The following VCP variants were observed in gnomAD, a reference collection of about 807,000 sequenced individuals.
The protein encoded by VCP is transitional endoplasmic reticulum ATPase.
VCP carries 6 observed loss-of-function variants against 85.7 expected under a neutral mutation model. The ratio of observed to expected loss-of-function variants is 0.07; its 90% confidence interval spans 0.04 to 0.14. The LOEUF (loss-of-function observed/expected upper bound fraction) is 0.14, where lower values mean the gene tolerates loss of function less well. VCP is among the 10% of genes least tolerant of loss of function. VCP has a pLI of 1.00. For missense variants in VCP, 353 were observed against 1,043.4 expected, an observed-to-expected ratio of 0.34 and a Z score of 9.12; for synonymous variants, 384 against 367.1, an observed-to-expected ratio of 1.05 and a Z score of -0.53.
At chr9:35,061,515 C>T in intron 10 of VCP, 62 bp downstream of exon 10, 1 of 1,450,944 alleles carries the variant, frequency 6.9e-7, no homozygotes. Flanking sequence ...ATGTCTCTAG[C>T]CAGTTCCCAG....
chr9:35,067,561 T>A (rs1828857522), intron 3 of VCP, among the ~76,000 whole-genome samples: 1 of 152,184 alleles, frequency 6.6e-6, no homozygotes, highest in Non-Finnish European at 1.5e-5. Context: ...GGAGATTATT[T>A]GGCATATACA....
chr9:35,059,125 C>T lies in VCP; in HGVS notation c.2099G>A (p.Arg700His). Residue 700 changes from arginine to histidine, a missense_variant, in exon 15 of 17, where the codon CGT (arginine) becomes CAT (histidine). By Grantham distance (29) the Arg-to-His change is conservative (BLOSUM62 0). Coordinates refer to ENST00000358901, the MANE Select transcript of VCP (RefSeq NM_007126.5). The surrounding 1 kb of genome is among the most constrained non-coding windows in gnomAD (Gnocchi z 4.9). ...ICQRACKLAI[R>H]ESIESEIRRE... ...CCTAATCTCACTCTCGATGGATTCA[C>T]GGATGGCCAGCTTGCAAGCACGCTG... 1.9e-6 allele frequency: 3 copies of T among 1,614,180 alleles called. No homozygotes were observed. Among genetic ancestry groups the T allele is most frequent in the African/African-American group, 2.7e-5 (2 of 75,032 alleles).
At position 35,057,268 on chromosome 9, in the gene VCP, G is replaced by A. The variant is rs759253669; in HGVS notation, c.2316-46C>T. ...AAAAAAGAGGGTTAGGACAGGGCCT[G>A]TGTAAGATTTCCACAACTACCCCTC... On this transcript the variant is annotated intron_variant, in intron 16 of 16. Transcript: ENST00000358901. 5 of 1,613,664 alleles carry A rather than the reference G, an allele frequency of 3.1e-6. No homozygotes were observed. The South Asian group carries it at 5.5e-5, about 18-fold the overall frequency.
At chr9:35,058,156 G>A (rs1407682443) in intron 15 of VCP, among the ~76,000 whole-genome samples, 1 of 152,126 alleles carries the variant, frequency 6.6e-6, no homozygotes, top group East Asian at 1.9e-4. Context: ...CTTCCATTGA[G>A]AGGCCAATTT....
At chr9:35,058,035 T>C (rs576010407) in intron 15 of VCP, among the ~76,000 whole-genome samples, 2 of 152,336 alleles carry the variant, frequency 1.3e-5, no homozygotes, top group Admixed American at 1.3e-4. Context: ...CTCTTAAATC[T>C]ACCCAGGGTT....
chr9:35,062,106 T>C lies in VCP; in HGVS notation c.978A>G (p.Ser326=). ...THGEVERRIV[S]QLLTLMDGLK... ...GGCCATCCATGAGGGTCAACAACTG[T>C]GATACAATGCGCCGCTCCACCTCGC... The change falls in exon 9 of 17, where the codon TCA becomes TCG. Residue 326 remains serine, a synonymous_variant. Coordinates refer to ENST00000358901, the MANE Select transcript of VCP (RefSeq NM_007126.5). 1 of 1,614,172 alleles carries C rather than the reference T, an allele frequency of 6.2e-7. No individual in the cohort carries two copies. Among genetic ancestry groups the C allele is most frequent in the African/African-American group, 1.3e-5 (1 of 75,038 alleles).
chr9:35,071,160 T>C (rs1294660498), intron 1 of VCP, among the ~76,000 whole-genome samples: 2 of 152,156 alleles, frequency 1.3e-5, no homozygotes, highest in African/African-American at 2.4e-5. Flanking sequence ...TCAGAATAAG[T>C]GACTCTTTTA....
At position 35,066,926 on chromosome 9, in the gene VCP, C is replaced by T. The variant is rs1010813943; in HGVS notation, c.303-109G>A. 18 of 1,565,576 alleles carry T rather than the reference C, an allele frequency of 1.1e-5. No individual in the cohort carries two copies. The Admixed American group carries it at 2.8e-4, about 25-fold the overall frequency. On this transcript the variant is annotated intron_variant, in intron 3 of 16. Transcript: ENST00000358901. ...CTGATAGTAAGTGAAAAAGAAAAGG[C>T]AGGATGGCTTTAGGCGAAGAGAGGA... is the stretch of plus-strand genomic sequence containing the variant.
rs775760970 is a variant in VCP at position 35,068,260 on chromosome 9, G to A, written c.120C>T (p.Ser40=). The change falls in exon 2 of 17, where the codon TCC becomes TCT. Residue 40 remains serine (S), a synonymous_variant. Coordinates refer to ENST00000358901, the MANE Select transcript of VCP (RefSeq NM_007126.5). ...TGTGGCCACAGCTTACCTGGGACAAGGACACCACACTGTTGTCCTCATTGA... is the reference window on the plus strand; with the variant it reads ...TGTGGCCACAGCTTACCTGGGACAAAGACACCACACTGTTGTCCTCATTGA... ...EAINEDNSVV[S]LSQPKMDELQ... is the part of the protein sequence containing the mutation. 3.1e-6 allele frequency: 5 copies of A among 1,613,970 alleles called. No homozygotes were observed. In the African/African-American group the frequency reaches 6.7e-5, roughly 22 times the overall value.
chr9:35,067,604 T>C lies in VCP; in HGVS notation c.302+287A>G, dbSNP rs116725733. Among the ~76,000 whole-genome samples, 2,697 of 152,206 alleles carry C rather than the reference T, an allele frequency of 0.018. 80 individuals are homozygous for C. Among genetic ancestry groups the C allele is most frequent in the African/African-American group, 0.062 (2,557 of 41,508 alleles). ...CCTCGAGTGGTATCCTAAGCCAGGA[T>C]ATAAGTATGATAAATTACACCTCTA... On this transcript the variant is annotated intron_variant, in intron 3 of 16. Transcript: ENST00000358901.
rs1828721175 is a variant in VCP at position 35,061,561 on chromosome 9, A to G, written c.1194+16T>C. ...GAGACACTGTAACGCCTGGTCAGCC[A>G]TCATCATCACTTCACCTGTTCCAGG... On this transcript the variant is annotated intron_variant, in intron 10 of 16. Transcript: ENST00000358901. 1 of 1,610,702 alleles carries G rather than the reference A, an allele frequency of 6.2e-7. No homozygotes were observed. The highest frequency in any genetic ancestry group is 8.5e-7 in the Non-Finnish European group (1 of 1,177,070).
In VCP at chr9:35,060,023, T is replaced by G. The variant is rs534556975; in HGVS notation, c.1696-222A>C. ...GACGCATGCCTATAGTCCCAGCTACTCAGGAGGCTGAAGTAGGAGAATTGC... is the reference window on the plus strand; with the variant it reads ...GACGCATGCCTATAGTCCCAGCTACGCAGGAGGCTGAAGTAGGAGAATTGC... On this transcript the variant is annotated intron_variant, in intron 13 of 16. Transcript: ENST00000358901. 352 of 671,486 alleles carry G rather than the reference T, an allele frequency of 5.2e-4. 1 individual carries two copies. The African/African-American group carries it at 5.9e-3, about 11-fold the overall frequency. The allele number at this position is 671,486 out of a possible 1,614,324, so 41.6% of individuals were successfully genotyped here.
In VCP at chr9:35,067,896, G is replaced by T. The variant is rs756789437; in HGVS notation, c.297C>A (p.Val99=). The change falls in exon 3 of 17, where the codon GTC becomes GTA. Residue 99 remains valine (V), a synonymous_variant. Coordinates refer to ENST00000358901, the MANE Select transcript of VCP (RefSeq NM_007126.5). The stretch of plus-strand genomic sequence containing the variant: ...GCCAAAAACCCCACACACACCTGAT[G>T]ACATCCCCTAGGCGTACACGAAGGT... ...RNNLRVRLGD[V]ISIQPCPDVK... is the part of the protein sequence containing the mutation. The T allele has an allele frequency of 6.2e-7, 1 of 1,614,176 alleles. No individual in the cohort carries two copies. The highest frequency in any genetic ancestry group is 1.7e-5 in the Admixed American group (1 of 60,022).
At chr9:35,058,313 T>C (rs1032330727) in intron 15 of VCP, among the ~76,000 whole-genome samples, 8 of 152,170 alleles carry the variant, frequency 5.3e-5, no homozygotes, top group Non-Finnish European at 2.9e-5. Context: ...ACTTAATGAA[T>C]TAATTAAGGG....
At chr9:35,071,856 C>T (rs532465925) in intron 1 of VCP, 3 of 993,460 alleles carry the variant, frequency 3.0e-6, no homozygotes, top group East Asian at 2.3e-4. Flanking sequence ...GGCAGAGCTC[C>T]TGAGGCCTTC....
chr9:35,060,846 G>A lies in VCP; in HGVS notation c.1437C>T (p.Ile479=), dbSNP rs778069672. The A allele has an allele frequency of 1.3e-5, 21 of 1,613,992 alleles. No individual in the cohort carries two copies. The highest frequency in any genetic ancestry group is 5.0e-5 in the Admixed American group (3 of 59,992). Reference sequence around the variant, plus strand: ...CACGTTTGACATCCTCTAGGCCCCCGATGTCTTCCCAGGTTACCTGTGGCA... The same window carrying A: ...CACGTTTGACATCCTCTAGGCCCCCAATGTCTTCCCAGGTTACCTGTGGCA... ...VEVPQVTWED[I]GGLEDVKREL... is the part of the protein sequence containing the mutation. The change falls in exon 12 of 17, where the codon ATC becomes ATT. Residue 479 remains isoleucine (I), a synonymous_variant. Coordinates refer to ENST00000358901, the MANE Select transcript of VCP (RefSeq NM_007126.5).
chr9:35,072,306 C>T (rs1828973767), intron 1 of VCP, 31 bp downstream of exon 1: 1 of 1,483,050 alleles, frequency 6.7e-7, no homozygotes, highest in Non-Finnish European at 8.9e-7. Flanking sequence ...TGCGCGCCGC[C>T]GCAGCAAGCG....
Position 35,066,677 on chromosome 9 carries a change from T to G in VCP, c.443A>C (p.Lys148Thr). 6.2e-7 allele frequency: 1 copy of G among 1,614,138 alleles called. No homozygotes were observed. The highest frequency in any genetic ancestry group is 1.7e-5 in the Admixed American group (1 of 60,000). Residue 148 changes from lysine to threonine, a missense_variant and splice_region_variant, in exon 4 of 17, where the codon AAA becomes ACA. Coordinates refer to ENST00000358901, the MANE Select transcript of VCP (RefSeq NM_007126.5). ...TTAAGCTCAGAATTAGCTCTCACCT[T>G]TCCGGATGGGTCGATACGCTTCCAG... Reference protein sequence around the residue: ...YFLEAYRPIRKGDIFLVRGGM... With the variant: ...YFLEAYRPIRTGDIFLVRGGM...
intron 7 of VCP, 52 bp downstream of exon 7, chr9:35,062,926 G>A (rs1253427597): frequency 3.8e-6 from 6 of 1,573,432 alleles, no homozygotes; most frequent in Middle Eastern, 1.7e-4. Context: ...CAGCTCATAA[G>A]CCCAGTTCAA....
Sources: allele counts gnomAD v4.1 joint callset (sites outside exome capture counted in the v4.1 genomes callset), GRCh38; gene constraint gnomAD v4.1.1; non-coding constraint Gnocchi (gnomAD v3.1); transcripts MANE v1.5; gene names NCBI Gene and HGNC (gene_info 2026-07-23, HGNC 2026-07-21).